PIK3R1: variants seen among roughly 807,000 people sequenced by gnomAD.
The protein encoded by PIK3R1 is phosphatidylinositol 3-kinase regulatory subunit alpha.
Under a neutral mutation model 98.0 loss-of-function variants are expected in PIK3R1, and 29 were observed. That is an observed-to-expected ratio of 0.30 (90% CI 0.22 to 0.40). PIK3R1 has a LOEUF of 0.40. Ranked by LOEUF, PIK3R1 falls within the 10% of genes least tolerant of loss-of-function variation. PIK3R1 has a pLI of 1.00. For missense variants in PIK3R1, 596 were observed against 872.7 expected, an observed-to-expected ratio of 0.68 and a Z score of 3.99; for synonymous variants, 282 against 311.8, an observed-to-expected ratio of 0.90 and a Z score of 1.01.
At chr5:68,246,327 T>TC (rs1007088136) in intron 2 of PIK3R1, among the ~76,000 whole-genome samples, 10 of 151,824 alleles carry the variant, frequency 6.6e-5, no homozygotes, top group African/African-American at 2.4e-4. Context: ...TTTTTTTTTT[T>TC]TTTTGAGACA....
At chr5:68,284,949 A>G (rs917386739) in intron 7 of PIK3R1, among the ~76,000 whole-genome samples, 1 of 152,136 alleles carries the variant, frequency 6.6e-6, no homozygotes, top group Non-Finnish European at 1.5e-5. Context: ...TTGCTGTTCT[A>G]TTTTGTTACT....
chr5:68,290,924 C>T (rs1221254775), intron 7 of PIK3R1: 1 of 805,986 alleles, frequency 1.2e-6, no homozygotes, highest in Non-Finnish European at 1.9e-6. Context: ...TTTTGGATTT[C>T]TGTTTTTATT....
chr5:68,294,816 G>C (rs559264238), intron 12 of PIK3R1, 138 bp downstream of exon 12: 14 of 525,304 alleles, frequency 2.7e-5, no homozygotes, highest in South Asian at 8.8e-5. Context: ...GTGGTGGGGT[G>C]GGGGGAGGAG....
At chr5:68,247,577 C>CT (rs1372456953) in intron 2 of PIK3R1, among the ~76,000 whole-genome samples, 33,253 of 140,542 alleles carry the variant, frequency 0.24, 3,952 homozygotes, top group South Asian at 0.26. Context: ...TGCACGTGGC[C>CT]TTTTTTTTTT....
intron 2 of PIK3R1, among the ~76,000 whole-genome samples, chr5:68,232,380 G>C (rs1340017060): frequency 6.6e-6 from 1 of 152,186 alleles, no homozygotes; most frequent in Non-Finnish European, 1.5e-5. Flanking sequence ...AAAAGAGACA[G>C]GATGCTCACT....
chr5:68,262,914 C>CATGTATACATATATACATGTAG (rs1745910668), intron 2 of PIK3R1, among the ~76,000 whole-genome samples: 1 of 103,864 alleles, frequency 9.6e-6, no homozygotes, highest in African/African-American at 4.2e-5. Context: ...CATGTAGATA[C>CATGTATACATATATACATGTAG]ATGTAGATAC....
intron 2 of PIK3R1, among the ~76,000 whole-genome samples, chr5:68,247,444 G>A (rs1016999346): frequency 4.0e-5 from 6 of 150,880 alleles, no homozygotes; most frequent in South Asian, 2.1e-4. Flanking sequence ...GACTACAGGC[G>A]TGCGCCACCA....
chr5:68,263,177 A>G (rs1015227673), intron 2 of PIK3R1, among the ~76,000 whole-genome samples: 1 of 144,424 alleles, frequency 6.9e-6, no homozygotes, highest in African/African-American at 2.6e-5. Context: ...ATATATATCT[A>G]TATATACATA....
At chr5:68,229,262 G>A (rs1436664953) in intron 2 of PIK3R1, among the ~76,000 whole-genome samples, 3 of 152,128 alleles carry the variant, frequency 2.0e-5, no homozygotes, top group African/African-American at 7.2e-5. Flanking sequence ...GAATTCATAT[G>A]GAAAGTAGTT....
At chr5:68,266,845 AT>A (rs1746142100) in intron 2 of PIK3R1, among the ~76,000 whole-genome samples, 2 of 152,302 alleles carry the variant, frequency 1.3e-5, no homozygotes, top group African/African-American at 4.8e-5. Flanking sequence ...AAATGAAAAT[AT>A]TTCTGTAAAA....
chr5:68,292,742 CT>C (rs761777915), intron 8 of PIK3R1: 12 of 1,272,310 alleles, frequency 9.4e-6, no homozygotes, highest in Non-Finnish European at 1.2e-5. Context: ...TGGAGAAACT[CT>C]TTTGAGATCA....
intron 7 of PIK3R1, among the ~76,000 whole-genome samples, chr5:68,290,354 A>T (rs1246129447): frequency 1.3e-5 from 2 of 152,228 alleles, no homozygotes; most frequent in Non-Finnish European, 2.9e-5. Flanking sequence ...GAGCTGCAGC[A>T]TATCAGCTTT....
intron 1 of PIK3R1, among the ~76,000 whole-genome samples, chr5:68,216,196 C>A (rs1367518394): frequency 6.6e-6 from 1 of 152,184 alleles, no homozygotes; most frequent in Non-Finnish European, 1.5e-5. Flanking sequence ...CCGTTTCCCC[C>A]GTCCTCCTGC....
intron 7 of PIK3R1, chr5:68,290,502 T>C (rs1340575206): frequency 4.7e-6 from 2 of 427,066 alleles, no homozygotes; most frequent in Non-Finnish European, 8.1e-6. Context: ...TTCTATTAAA[T>C]GTAGCTTCTT....
In PIK3R1 at chr5:68,280,535, A is replaced by G; in HGVS notation, c.642A>G (p.Gln214=). The change falls in exon 6 of 16, where the codon CAA becomes CAG. Residue 214 remains glutamine (Q), a synonymous_variant. Transcript: ENST00000521381. ...SEMISLAPEV[Q]SSEEYIQLLK... ...TTTTTTTTAAACTTGTAGAAGTACA[A>G]AGCTCCGAAGAATATATTCAGCTAT... 1.2e-6 allele frequency: 2 copies of G among 1,606,866 alleles called. No homozygotes were observed. Among genetic ancestry groups the G allele is most frequent in the Non-Finnish European group, 1.7e-6 (2 of 1,175,318 alleles).
chr5:68,231,321 C>T (rs1744465429), intron 2 of PIK3R1, among the ~76,000 whole-genome samples: 1 of 152,204 alleles, frequency 6.6e-6, no homozygotes. Flanking sequence ...CTGCACAACC[C>T]TCCCTGGCTC....
intron 2 of PIK3R1, among the ~76,000 whole-genome samples, chr5:68,251,200 T>C (rs1745293581): frequency 6.6e-6 from 1 of 152,144 alleles, no homozygotes; most frequent in Admixed American, 6.5e-5. Context: ...CTCACCCTTG[T>C]TATTATGGAA....
At chr5:68,225,879 T>A (rs1744254091) in intron 1 of PIK3R1, among the ~76,000 whole-genome samples, 1 of 152,226 alleles carries the variant, frequency 6.6e-6, no homozygotes, top group Non-Finnish European at 1.5e-5. Context: ...TATGACATTT[T>A]CTTGGTCACT....
In PIK3R1 at chr5:68,254,398, C is replaced by G. The variant is rs138471369; in HGVS notation, c.335-18992C>G. Among the ~76,000 whole-genome samples, 607 of 152,276 alleles carry G rather than the reference C, an allele frequency of 4.0e-3. 4 individuals are homozygous for G. The highest frequency in any genetic ancestry group is 0.014 in the African/African-American group (579 of 41,554). Reference sequence around the variant, plus strand: ...TGAAAAGGACCAGAGGGATCATCTACTCTTCCAACAAATAAAAAATAAAAC... The same window carrying G: ...TGAAAAGGACCAGAGGGATCATCTAGTCTTCCAACAAATAAAAAATAAAAC... On this transcript the variant is annotated intron_variant, in intron 2 of 15. Transcript: ENST00000521381.
Sources: gnomAD v4.1 joint callset for allele counts (sites outside exome capture counted in the v4.1 genomes callset) on GRCh38, gnomAD v4.1.1 for gene constraint, MANE v1.5 for transcripts, NCBI Gene and HGNC (gene_info 2026-07-23, HGNC 2026-07-21) for gene names.